HMGB1: variants seen among roughly 807,000 people sequenced by gnomAD.
HMGB1 encodes high mobility group box 1.
For missense variants in HMGB1, 79 were observed against 253.5 expected, an observed-to-expected ratio of 0.31 and a Z score of 4.67; for synonymous variants, 81 against 84.0, an observed-to-expected ratio of 0.96 and a Z score of 0.19.
chr13:30,474,959 G>GTTTTTTTTTTTT (rs776923842), intron 1 of HMGB1, among the ~76,000 whole-genome samples: 1 of 64,030 alleles, frequency 1.6e-5, no homozygotes, highest in Non-Finnish European at 2.6e-5. Context: ...TTCTTTTTTT[G>GTTTTTTTTTTTT]TTTTTTTTTT....
chr13:30,614,364 G>A (rs1356937895), intron 1 of HMGB1, among the ~76,000 whole-genome samples: 1 of 152,200 alleles, frequency 6.6e-6, no homozygotes, highest in Non-Finnish European at 1.5e-5. Flanking sequence ...GCAAATACCT[G>A]CACATGGAAT....
intron 1 of HMGB1, among the ~76,000 whole-genome samples, chr13:30,511,064 G>A (rs933387010): frequency 1.3e-5 from 2 of 152,042 alleles, no homozygotes; most frequent in Non-Finnish European, 2.9e-5. Context: ...GAGGTAATAC[G>A]GCTTTACACA....
At chr13:30,509,256 T>TTTTTTTTTTTTTTTTG (rs1331855852) in intron 1 of HMGB1, among the ~76,000 whole-genome samples, 1 of 151,862 alleles carries the variant, frequency 6.6e-6, no homozygotes, top group Non-Finnish European at 1.5e-5. Flanking sequence ...CTTTTTTTTT[T>TTTTTTTTTTTTTTTTG]GAGATGGAAT....
chr13:30,553,935 C>T (rs1869553227), intron 1 of HMGB1: 14 of 1,452,822 alleles, frequency 9.6e-6, no homozygotes, highest in Non-Finnish European at 1.4e-5. Flanking sequence ...AACACCGGGT[C>T]CACTTCCTAA....
At chr13:30,550,034 A>G (rs140027130) in intron 1 of HMGB1, among the ~76,000 whole-genome samples, 1 of 152,090 alleles carries the variant, frequency 6.6e-6, no homozygotes, top group Non-Finnish European at 1.5e-5. Flanking sequence ...CTATTTTTTA[A>G]AGCATGTGAT....
chr13:30,485,064 C>T (rs1375967037), intron 1 of HMGB1, among the ~76,000 whole-genome samples: 12 of 143,568 alleles, frequency 8.4e-5, no homozygotes, highest in Non-Finnish European at 4.5e-5. Context: ...CAGAGTCTCA[C>T]TCTGTTGCCC....
intron 1 of HMGB1, among the ~76,000 whole-genome samples, chr13:30,560,576 T>C (rs1472689027): frequency 2.6e-5 from 4 of 152,130 alleles, no homozygotes; most frequent in Non-Finnish European, 4.4e-5. Flanking sequence ...AGGTGTAACG[T>C]TGCATGAAAC....
In HMGB1 at chr13:30,608,855, C is replaced by T. The variant is rs538187675; in HGVS notation, c.-15+7816G>A. On this transcript the variant is annotated intron_variant, in intron 1 of 4. Transcript: ENST00000405805. ...ACACAGGCAGATAAAAAAGGTGGGGCATTACTTATCAACCTCTAAACTAAG... is the reference window on the plus strand; with the variant it reads ...ACACAGGCAGATAAAAAAGGTGGGGTATTACTTATCAACCTCTAAACTAAG... 6.6e-5 allele frequency among the ~76,000 whole-genome samples: 10 copies of T among 152,338 alleles called. No homozygotes were observed. In the South Asian group the frequency reaches 1.9e-3, roughly 28 times the overall value.
At chr13:30,531,731 T>C (rs1029896591) in intron 1 of HMGB1, among the ~76,000 whole-genome samples, 1 of 151,398 alleles carries the variant, frequency 6.6e-6, no homozygotes, top group Non-Finnish European at 1.5e-5. Context: ...GAAACTCTAC[T>C]ACTAAAAATA....
intron 1 of HMGB1, among the ~76,000 whole-genome samples, chr13:30,585,714 A>C (rs1277582031): frequency 6.6e-6 from 1 of 152,164 alleles, no homozygotes; most frequent in Non-Finnish European, 1.5e-5. Flanking sequence ...GGACTTAAAA[A>C]AGTATAAATA....
At chr13:30,504,203 GAAGGC>G (rs1189893387) in intron 1 of HMGB1, among the ~76,000 whole-genome samples, 1 of 152,166 alleles carries the variant, frequency 6.6e-6, no homozygotes, top group Non-Finnish European at 1.5e-5. Flanking sequence ...AGGACAGTTA[GAAGGC>G]TGGATGTGAA....
intron 1 of HMGB1, chr13:30,464,374 C>G (rs1041129863): frequency 1.3e-5 from 13 of 985,336 alleles, no homozygotes; most frequent in Non-Finnish European, 1.6e-5. Context: ...GGATGAGGGA[C>G]AAAAGCCACT....
chr13:30,459,458 G>A lies in HMGB1; in HGVS notation c.*1899C>T, dbSNP rs1182436441. 3.3e-5 allele frequency: 5 copies of A among 152,170 alleles called. No individual in the cohort carries two copies. Among genetic ancestry groups the A allele is most frequent in the African/African-American group, 4.8e-5 (2 of 41,440 alleles). The allele number at this position is 152,170 out of a possible 1,614,324, so 9.4% of individuals were successfully genotyped here. A position where few individuals can be genotyped will look rare whatever the true frequency, so the allele number is the denominator to read the frequency against. On this transcript the variant is annotated 3_prime_UTR_variant, in exon 5 of 5. Coordinates refer to ENST00000341423, the MANE Select transcript of HMGB1 (RefSeq NM_002128.7). The stretch of plus-strand genomic sequence containing the variant: ...ATTATTAATGTTGGTGATTAATGGT[G>A]ATTTCTATACAGTAGAAACTTCCAT...
At chr13:30,471,168 C>T (rs1441045304) in intron 1 of HMGB1, among the ~76,000 whole-genome samples, 1 of 151,746 alleles carries the variant, frequency 6.6e-6, no homozygotes. Context: ...GACAGGGTTT[C>T]ATTATATTGG....
chr13:30,552,813 C>T lies in HMGB1; in HGVS notation c.-15+63858G>A, dbSNP rs1175115916. ...TTCTGAGCAATATATCACGTGTTCT[C>T]AATTTCACCTCTTATTTCAAACACT... On this transcript the variant is annotated intron_variant, in intron 1 of 4. Transcript: ENST00000405805. 3.3e-5 allele frequency among the ~76,000 whole-genome samples: 5 copies of T among 152,182 alleles called. No homozygotes were observed. In the East Asian group the frequency reaches 9.6e-4, roughly 29 times the overall value.
Position 30,519,386 on chromosome 13 carries a change from C to CT in HMGB1, c.-14-55693dup, listed in dbSNP as rs572760215. ...CTAGCCTGAGTGACAGAGTGACACT[C>CT]TGTCTCAAAAAAAAAAAAAAGTAAA... is the stretch of plus-strand genomic sequence containing the variant. On this transcript the variant is annotated intron_variant, in intron 1 of 4. Coordinates refer to the HMGB1 transcript ENST00000405805. Among the ~76,000 whole-genome samples, 240 of 132,894 alleles carry CT rather than the reference C, an allele frequency of 1.8e-3. 1 individual carries two copies. The highest frequency in any genetic ancestry group is 6.6e-3 in the African/African-American group (223 of 33,996). The allele number at this position is 132,894 out of a possible 152,430, so 87.2% of individuals were successfully genotyped here. A position where few individuals can be genotyped will look rare whatever the true frequency, so the allele number is the denominator to read the frequency against.
intron 1 of HMGB1, among the ~76,000 whole-genome samples, chr13:30,496,624 A>G (rs1036188124): frequency 6.6e-6 from 1 of 152,220 alleles, no homozygotes; most frequent in African/African-American, 2.4e-5. Flanking sequence ...AATCTAAGCC[A>G]TCAAAGGGGG....
chr13:30,567,927 C>T (rs1330203921), intron 1 of HMGB1, among the ~76,000 whole-genome samples: 2 of 152,254 alleles, frequency 1.3e-5, no homozygotes, highest in African/African-American at 4.8e-5. Flanking sequence ...CAAATCCCAA[C>T]TGCTGTGCTC....
chr13:30,578,878 A>T (rs959826886), intron 1 of HMGB1, among the ~76,000 whole-genome samples: 2 of 152,182 alleles, frequency 1.3e-5, no homozygotes, highest in African/African-American at 4.8e-5. Context: ...TATGCCTGGG[A>T]TATTCTCATT....
Sources: gnomAD v4.1 joint callset for allele counts (sites outside exome capture counted in the v4.1 genomes callset) on GRCh38, gnomAD v4.1.1 for gene constraint, MANE v1.5 for transcripts, NCBI Gene and HGNC (gene_info 2026-07-23, HGNC 2026-07-21) for gene names.